Variants in UBR4 observed in about 807,000 individuals in gnomAD.
UBR4 encodes the protein ubiquitin protein ligase E3 component n-recognin 4.
Under a neutral mutation model 575.6 loss-of-function variants are expected in UBR4, and 124 were observed. That is an observed-to-expected ratio of 0.22 (90% CI 0.19 to 0.25). The LOEUF is 0.25. UBR4 is among the 10% of genes least tolerant of loss of function. The pLI is 1.00. For missense variants in UBR4, 4,818 were observed against 6,478.8 expected (o/e 0.74, Z 8.80); for synonymous variants, 2,455 against 2,473.7 (o/e 0.99, Z 0.22).
rs1218030101 is a variant in UBR4, at chr1:19,094,033, C to T, written c.13853G>A (p.Arg4618His). 5 of 1,614,038 alleles carry T rather than the reference C, an allele frequency of 3.1e-6. No individual in the cohort carries two copies. Among genetic ancestry groups the T allele is most frequent in the African/African-American group, 1.3e-5 (1 of 75,002 alleles). ...TCCAAAGGAAAGGTACGGGATGATG[C>T]GAAGCAGGCCCTGGAGCACACTGGG... ...SNPSVLQGLLRIIPYLSFGEV... is the reference protein window; with the variant it reads ...SNPSVLQGLLHIIPYLSFGEV... Residue 4618 changes from arginine (R) to histidine (H), a missense_variant, in exon 95 of 106, where the codon CGC (arginine) becomes CAC (histidine). Around this residue, in one of 29 missense-constraint regions of UBR4, gnomAD observed 165 missense variants for 282.3 expected, o/e 0.58. Transcript: ENST00000375254.
At chr1:19,131,287 A>G (rs1297930707) in intron 60 of UBR4, among the ~76,000 whole-genome samples, 1 of 150,794 alleles carries the variant, frequency 6.6e-6, no homozygotes, top group Non-Finnish European at 1.5e-5. Flanking sequence ...AGCACCAAAA[A>G]CTGCAGTTTC....
intron 73 of UBR4, 108 bp from the exon 74 acceptor site, chr1:19,115,745 T>A (rs2080442734): frequency 6.7e-7 from 1 of 1,495,740 alleles, no homozygotes. Context: ...GGCAATTAAG[T>A]GGTTACTCTA....
At position 19,210,220 on chromosome 1, in the gene UBR4, G is replaced by T; in HGVS notation, c.29C>A (p.Ala10Glu). 6.9e-7 allele frequency: 1 copy of T among 1,440,362 alleles called. No individual in the cohort carries two copies. Among genetic ancestry groups the T allele is most frequent in the Non-Finnish European group, 9.1e-7 (1 of 1,099,908 alleles). The allele number at this position is 1,440,362 out of a possible 1,614,324, so 89.2% of individuals were successfully genotyped here. A position where few individuals can be genotyped will look rare whatever the true frequency, so the allele number is the denominator to read the frequency against. MATSGGEEAAAAAPAPGTPA... is the reference protein window; with the variant it reads MATSGGEEAEAAAPAPGTPA... The stretch of plus-strand genomic sequence containing the variant: ...GGTCCCCGGCGCCGGAGCCGCTGCC[G>T]CCGCCTCTTCGCCGCCGCTCGTCGC... Residue 10 changes from alanine to glutamate, a missense_variant, in exon 1 of 106, where the codon GCG becomes GAG. This residue lies in a region of UBR4 where 95 missense variants were observed against 87.7 expected (regional missense o/e 1.08). Coordinates refer to ENST00000375254, the MANE Select transcript of UBR4 (RefSeq NM_020765.3).
chr1:19,125,339 G>A (rs1398491336), intron 64 of UBR4, among the ~76,000 whole-genome samples: 1 of 152,204 alleles, frequency 6.6e-6, no homozygotes, highest in Non-Finnish European at 1.5e-5. Flanking sequence ...GTTGTAAACA[G>A]GAATAAAATA....
At chr1:19,114,452 T>C (rs1290265391) in intron 75 of UBR4, among the ~76,000 whole-genome samples, 2 of 152,138 alleles carry the variant, frequency 1.3e-5, no homozygotes, top group Non-Finnish European at 2.9e-5. Flanking sequence ...CCTGCCCATA[T>C]TATGCAGGCT....
rs2083608168 is a variant in UBR4 at position 19,139,635 on chromosome 1, T to C, written c.8594-415A>G. On this transcript the variant is annotated intron_variant, in intron 58 of 105. Coordinates refer to ENST00000375254, the MANE Select transcript of UBR4 (RefSeq NM_020765.3). This position sits in a 1 kb window ranked among gnomAD's most constrained non-coding sequence, Gnocchi z 4.2. ...CTGCTGAGAGATCTGAAACTAGCCA[T>C]TACCATTCAAAGCATAGAACTCTGA... Among the ~76,000 whole-genome samples the C allele has an allele frequency of 6.6e-6, 1 of 152,218 alleles. No individual in the cohort carries two copies. Among genetic ancestry groups the C allele is most frequent in the Admixed American group, 6.5e-5 (1 of 15,284 alleles).
At chr1:19,147,891 TCCCTCTA>T in intron 51 of UBR4, 95 bp downstream of exon 51, 1 of 1,498,636 alleles carries the variant, frequency 6.7e-7, no homozygotes, top group Non-Finnish European at 9.0e-7. Context: ...AATGCTATCC[TCCCTCTA>T]CCTTACTTTG....
intron 39 of UBR4, 121 bp downstream of exon 39, chr1:19,159,990 T>G (rs2087063738): frequency 3.8e-6 from 5 of 1,301,136 alleles, no homozygotes; most frequent in South Asian, 3.2e-5. Context: ...GATTCTAAGT[T>G]TTGGATGGCC....
At chr1:19,083,210 C>T (rs562047859) in intron 102 of UBR4, among the ~76,000 whole-genome samples, 1 of 152,242 alleles carries the variant, frequency 6.6e-6, no homozygotes, top group South Asian at 2.1e-4. Flanking sequence ...AGGTGCTGCT[C>T]CCGCCAGTCT....
intron 30 of UBR4, 27 bp downstream of exon 30, chr1:19,165,629 C>T: frequency 6.2e-7 from 1 of 1,600,886 alleles, no homozygotes. Flanking sequence ...AAAAAATATT[C>T]ACTGAATAAA....
At chr1:19,196,011 CACACACAA>C (rs769952765) in intron 8 of UBR4, among the ~76,000 whole-genome samples, 7 of 134,058 alleles carry the variant, frequency 5.2e-5, no homozygotes, top group African/African-American at 1.0e-4. Flanking sequence ...CACACACACA[CACACACAA>C]ACTTACGTAG....
At chr1:19,102,748 A>G (rs1392413524) in intron 87 of UBR4, among the ~76,000 whole-genome samples, 1 of 152,160 alleles carries the variant, frequency 6.6e-6, no homozygotes, top group Non-Finnish European at 1.5e-5. Flanking sequence ...CACTGAGGCA[A>G]AGAGTCTAGC....
intron 104 of UBR4, 146 bp downstream of exon 104, chr1:19,077,830 A>C: frequency 6.5e-7 from 1 of 1,548,076 alleles, no homozygotes; most frequent in Non-Finnish European, 8.7e-7. Flanking sequence ...TCCCTCCCAC[A>C]GTTGGGGTTG....
chr1:19,106,631 G>C lies in UBR4; in HGVS notation c.12331C>G (p.Arg4111Gly). 1 of 1,606,826 alleles carries C rather than the reference G, an allele frequency of 6.2e-7. No individual in the cohort carries two copies. The highest frequency in any genetic ancestry group is 8.5e-7 in the Non-Finnish European group (1 of 1,176,876). ...YVWRWKQFLS[R>G]RGKRTSPLDL... ...AAGGGGGAGGTCCTCTTCCCCCGAC[G>C]ACTCAGGAACTGTTTCCACCTCCAC... The change falls in exon 83 of 106, where the codon CGT (arginine) becomes GGT (glycine). Residue 4111 changes from arginine (R) to glycine (G), a missense_variant. This residue lies in a region of UBR4 where 178 missense variants were observed against 175.5 expected (regional missense o/e 1.01). Coordinates refer to ENST00000375254, the MANE Select transcript of UBR4 (RefSeq NM_020765.3).
At position 19,086,828 on chromosome 1, in the gene UBR4, AGAC is replaced by A. The variant is rs1379962986; in HGVS notation, c.14545-10_14545-8del. On this transcript the variant is annotated splice_region_variant and splice_polypyrimidine_tract_variant and intron_variant, in intron 99 of 105. Coordinates refer to ENST00000375254, the MANE Select transcript of UBR4 (RefSeq NM_020765.3). ...TGCCCAGGACCTTTGTGGGCTGCAA[AGAC>A]GACAACATAAGGAGAGGGGAGGAGA... 6 of 1,613,802 alleles carry A rather than the reference AGAC, an allele frequency of 3.7e-6. No homozygotes were observed. The highest frequency in any genetic ancestry group is 4.2e-6 in the Non-Finnish European group (5 of 1,179,840).
At chr1:19,129,109 T>C in intron 60 of UBR4, 35 bp from the exon 61 acceptor site, 1 of 1,583,410 alleles carries the variant, frequency 6.3e-7, no homozygotes, top group African/African-American at 1.3e-5. Context: ...AAATATGAGC[T>C]GTACTCCAAC....
chr1:19,105,735 G>C lies in UBR4; in HGVS notation c.12501C>G (p.Thr4167=), dbSNP rs773264916. 1.3e-5 allele frequency: 21 copies of C among 1,588,872 alleles called. No homozygotes were observed. The highest frequency in any genetic ancestry group is 1.7e-5 in the Non-Finnish European group (20 of 1,171,112). ...SRKQQVLDLL[T]SYLDELSIAG... ...CTCATCCCACTCCCAAATGGTACCT[G>C]GTAAGCAGGTCCAGGACCTGCTGCT... Residue 4167 remains threonine, a splice_region_variant and synonymous_variant, in exon 84 of 106, where the codon ACC becomes ACG. Coordinates refer to ENST00000375254, the MANE Select transcript of UBR4 (RefSeq NM_020765.3).
At position 19,115,386 on chromosome 1, in the gene UBR4, C is replaced by A. The variant is rs1490656207; in HGVS notation, c.11063+12G>T. 14 of 1,613,306 alleles carry A rather than the reference C, an allele frequency of 8.7e-6. No homozygotes were observed. Among genetic ancestry groups the A allele is most frequent in the African/African-American group, 1.3e-5 (1 of 74,924 alleles). On this transcript the variant is annotated intron_variant, in intron 74 of 105. Coordinates refer to ENST00000375254, the MANE Select transcript of UBR4 (RefSeq NM_020765.3). ...TGCACAGCCCTGGCCTAGGGGATGA[C>A]CAATGACTTACCTGCATTTGTGACA...
intron 1 of UBR4, among the ~76,000 whole-genome samples, chr1:19,209,113 C>T (rs2093169733): frequency 6.6e-6 from 1 of 152,212 alleles, no homozygotes; most frequent in South Asian, 2.1e-4. Context: ...CGTGGGCCTC[C>T]TTTGAGTAAC....
Sources: gnomAD v4.1 joint callset for allele counts (sites outside exome capture counted in the v4.1 genomes callset) on GRCh38, gnomAD v4.1.1 for gene constraint, gnomAD v4.1.1 regional missense constraint, Gnocchi (gnomAD v3.1) non-coding constraint, MANE v1.5 for transcripts, NCBI Gene and HGNC (gene_info 2026-07-23, HGNC 2026-07-21) for gene names.